ERBB4: variants seen among roughly 807,000 people sequenced by gnomAD.
The protein encoded by ERBB4 is erb-b2 receptor tyrosine kinase 4, also known as receptor tyrosine-protein kinase erbB-4.
A neutral mutation model predicts 158.0 loss-of-function variants in ERBB4; 42 were observed. The ratio of observed to expected loss-of-function variants is 0.27; its 90% CI spans 0.21 to 0.34. The LOEUF (loss-of-function observed/expected upper bound fraction) is 0.34. ERBB4 is among the 10% of genes least tolerant of loss of function. The probability of loss-of-function intolerance (pLI) is 1.00; values close to 1 mark genes in which losing one functional copy is unlikely to be tolerated. For synonymous variants in ERBB4, 583 were observed against 558.7 expected (o/e 1.04, Z -0.61); for missense variants, 1,333 against 1,624.1 (o/e 0.82, Z 3.08).
At chr2:211,619,100 T>C (rs535627468) in intron 19 of ERBB4, 77 bp downstream of exon 19, 1 of 878,010 alleles carries the variant, frequency 1.1e-6, no homozygotes, top group Non-Finnish European at 1.9e-6. Context: ...TGGAGTTTGG[T>C]TTTGTTTTGC....
At chr2:211,951,509 T>C (rs2080875055) in intron 2 of ERBB4, among the ~76,000 whole-genome samples, 1 of 152,114 alleles carries the variant, frequency 6.6e-6, no homozygotes, top group Non-Finnish European at 1.5e-5. Context: ...AAGTAAAATA[T>C]AACTAAGAAA....
At chr2:212,466,190 T>C (rs957171260) in intron 1 of ERBB4, among the ~76,000 whole-genome samples, 1 of 152,214 alleles carries the variant, frequency 6.6e-6, no homozygotes, top group African/African-American at 2.4e-5. Context: ...TATTCCATCT[T>C]CATTAAACAT....
At chr2:211,913,619 A>ATGTGTGTGTGTGTGTGTG (rs34762084) in intron 3 of ERBB4, among the ~76,000 whole-genome samples, 22 of 132,810 alleles carry the variant, frequency 1.7e-4, no homozygotes, top group African/African-American at 5.8e-4. Context: ...ATATATATAT[A>ATGTGTGTGTGTGTGTGTG]TGTGTGTGTG....
Position 211,376,524 on chromosome 2 carries a change from C to G in ERBB4, c.*7091G>C, listed in dbSNP as rs941174430. 16 of 232,524 alleles carry G rather than the reference C, an allele frequency of 6.9e-5. No individual in the cohort carries two copies. Among genetic ancestry groups the G allele is most frequent in the Non-Finnish European group, 8.5e-6 (1 of 117,414 alleles). The allele number at this position is 232,524 out of a possible 1,614,324, so 14.4% of individuals were successfully genotyped here. The stretch of plus-strand genomic sequence containing the variant: ...ATGGCTTACCAGCAAGGTATTTTTG[C>G]ACCCCAATCCTTTGAAGATACTTCA... On this transcript the variant is annotated 3_prime_UTR_variant, in exon 28 of 28. Coordinates refer to ENST00000342788, the MANE Select transcript of ERBB4 (RefSeq NM_005235.3).
At chr2:211,405,711 A>G (rs2063132608) in intron 25 of ERBB4, among the ~76,000 whole-genome samples, 2 of 152,202 alleles carry the variant, frequency 1.3e-5, no homozygotes, top group South Asian at 4.1e-4. Flanking sequence ...TCTACATTCT[A>G]CCAAAATTTC....
chr2:212,310,697 A>T (rs1559985426), intron 1 of ERBB4, among the ~76,000 whole-genome samples: 1 of 150,300 alleles, frequency 6.7e-6, no homozygotes, highest in Non-Finnish European at 1.5e-5. Flanking sequence ...AAATTGGGAG[A>T]AAAATTAACT....
chr2:211,489,249 G>A (rs1030084565), intron 20 of ERBB4, among the ~76,000 whole-genome samples: 1 of 151,940 alleles, frequency 6.6e-6, no homozygotes. Context: ...TAATAAAAAT[G>A]TTTTCTAACT....
At chr2:211,826,676 A>T (rs72948577) in intron 3 of ERBB4, among the ~76,000 whole-genome samples, 2,105 of 152,048 alleles carry the variant, frequency 0.014, 28 homozygotes, top group Non-Finnish European at 0.022. Flanking sequence ...AGTATGCAGA[A>T]TGGGAACAGG....
intron 25 of ERBB4, among the ~76,000 whole-genome samples, chr2:211,418,282 C>G (rs1178107309): frequency 6.6e-6 from 1 of 152,040 alleles, no homozygotes. Flanking sequence ...AAAGGAGGAA[C>G]ATGGCATTTG....
intron 1 of ERBB4, among the ~76,000 whole-genome samples, chr2:212,492,681 C>T (rs1167675124): frequency 6.6e-6 from 1 of 151,306 alleles, no homozygotes; most frequent in Admixed American, 6.6e-5. Context: ...ATAAAGGTGT[C>T]AGGTATGGAG....
chr2:212,491,067 AGAG>A (rs1003046070), intron 1 of ERBB4, among the ~76,000 whole-genome samples: 7 of 151,564 alleles, frequency 4.6e-5, no homozygotes, highest in African/African-American at 1.7e-4. Context: ...CAACTATTAA[AGAG>A]TAGTGTTTCA....
intron 1 of ERBB4, among the ~76,000 whole-genome samples, chr2:212,193,218 T>A (rs1472868643): frequency 6.6e-6 from 1 of 152,122 alleles, no homozygotes; most frequent in African/African-American, 2.4e-5. Context: ...TAATTTGCCA[T>A]CTTGTCCATT....
chr2:212,279,453 T>A, intron 1 of ERBB4, among the ~76,000 whole-genome samples: 1 of 151,566 alleles, frequency 6.6e-6, no homozygotes, highest in East Asian at 1.9e-4. Flanking sequence ...TTCCATAACT[T>A]AGCAATCCTA....
intron 25 of ERBB4, among the ~76,000 whole-genome samples, chr2:211,410,761 T>A (rs2063240390): frequency 6.6e-6 from 1 of 152,166 alleles, no homozygotes; most frequent in Admixed American, 6.6e-5. Context: ...AAATGAAGAA[T>A]TTAGAATTCA....
chr2:211,993,780 A>T (rs2125260806), intron 2 of ERBB4, among the ~76,000 whole-genome samples: 1 of 151,718 alleles, frequency 6.6e-6, no homozygotes, highest in East Asian at 1.9e-4. Flanking sequence ...TTCTGCTTTT[A>T]AAAAAAAGAA....
rs1309026986 is a variant in ERBB4 at position 211,519,773 on chromosome 2, C to A, written c.2487+42130G>T. ...GCATCATGGAAAGACAAATAGAAAT[C>A]CACTGTAAATATTTTTATATGTATC... On this transcript the variant is annotated intron_variant, in intron 20 of 27. Transcript: ENST00000342788. Among the ~76,000 whole-genome samples the A allele has an allele frequency of 2.0e-5, 3 of 152,056 alleles. No individual in the cohort carries two copies. The East Asian group carries it at 5.8e-4, about 29-fold the overall frequency.
intron 5 of ERBB4, among the ~76,000 whole-genome samples, chr2:211,728,692 AGCTATTGCTC>A (rs2074346728): frequency 6.6e-6 from 1 of 151,882 alleles, no homozygotes; most frequent in Non-Finnish European, 1.5e-5. Flanking sequence ...TCTATTTGAC[AGCTATTGCTC>A]AGCTGGAAAA....
chr2:212,041,834 G>A (rs2077148596), intron 2 of ERBB4, among the ~76,000 whole-genome samples: 1 of 151,926 alleles, frequency 6.6e-6, no homozygotes, highest in Non-Finnish European at 1.5e-5. Context: ...ACCCGATGAA[G>A]CATTATAATT....
intron 1 of ERBB4, among the ~76,000 whole-genome samples, chr2:212,239,811 A>C (rs2084014965): frequency 6.6e-6 from 1 of 152,222 alleles, no homozygotes; most frequent in African/African-American, 2.4e-5. Context: ...AAGCAAGAGA[A>C]AGACAAGAAT....
Sources: gnomAD v4.1 joint callset for allele counts (sites outside exome capture counted in the v4.1 genomes callset) on GRCh38, gnomAD v4.1.1 for gene constraint, MANE v1.5 for transcripts, NCBI Gene and HGNC (gene_info 2026-07-23, HGNC 2026-07-21) for gene names.